The following CNKSR2 variants were observed in gnomAD, a reference collection of about 807,000 sequenced individuals.
The protein encoded by CNKSR2 is connector enhancer of kinase suppressor of Ras 2.
In CNKSR2, 14 loss-of-function variants were observed where a neutral mutation model predicts 84.4. The observed-to-expected ratio is 0.17, with a 90% CI of 0.11 to 0.26. The LOEUF is 0.26. CNKSR2 is among the 10% of genes least tolerant of loss of function. CNKSR2 has a pLI of 1.00. For synonymous variants in CNKSR2, 275 were observed against 277.9 expected (o/e 0.99, Z 0.10); for missense variants, 485 against 771.2 (o/e 0.63, Z 4.40).
At position 21,556,727 on chromosome X, in the gene CNKSR2, G is replaced by A. The variant is rs76670496; in HGVS notation, c.1304-4744G>A. ...TAGTGGGGACAAGAGCTTAATCGGG[G>A]AAGATTCAAGAGGGGAGGAGAAGAA... On this transcript the variant is annotated intron_variant, in intron 11 of 21. Coordinates refer to ENST00000379510, the MANE Select transcript of CNKSR2 (RefSeq NM_014927.5). Among the ~76,000 whole-genome samples, 18 of 110,522 alleles carry A rather than the reference G, an allele frequency of 1.6e-4. No individual in the cohort carries two copies. In the East Asian group the frequency reaches 4.8e-3, roughly 30 times the overall value.
intron 11 of CNKSR2, among the ~76,000 whole-genome samples, chrX:21,557,735 C>A (rs1983143157): frequency 1.8e-5 from 2 of 111,166 alleles, no homozygotes; most frequent in East Asian, 5.6e-4. Context: ...AGATTATATT[C>A]TTTGCTGTTA....
intron 13 of CNKSR2, among the ~76,000 whole-genome samples, chrX:21,588,287 C>G (rs931582453): frequency 8.9e-6 from 1 of 111,959 alleles, no homozygotes; most frequent in Non-Finnish European, 1.9e-5. Context: ...AGATGCCAAC[C>G]GAGGGCAAAT....
chrX:21,408,707 G>T (rs1421126853), intron 1 of CNKSR2, among the ~76,000 whole-genome samples: 1 of 110,423 alleles, frequency 9.1e-6, no homozygotes, highest in Non-Finnish European at 1.9e-5. Flanking sequence ...AAAAAGATTT[G>T]TCTTCTCATA....
intron 20 of CNKSR2, chrX:21,641,519 C>A: frequency 8.5e-7 from 1 of 1,175,009 alleles, no homozygotes; most frequent in East Asian, 3.1e-5. Flanking sequence ...TGTATCACTG[C>A]TTTATCATAT....
At chrX:21,444,849 A>G (rs1239122800) in intron 4 of CNKSR2, among the ~76,000 whole-genome samples, 1 of 111,315 alleles carries the variant, frequency 9.0e-6, no homozygotes, top group Non-Finnish European at 1.9e-5. Context: ...TTTCTGCAAG[A>G]TATGTTGAAA....
intron 1 of CNKSR2, among the ~76,000 whole-genome samples, chrX:21,380,854 T>C (rs2089888975): frequency 8.9e-6 from 1 of 112,203 alleles, no homozygotes; most frequent in African/African-American, 3.2e-5. Context: ...AAAAGAGTAC[T>C]AAAAGAGTGG....
intron 1 of CNKSR2, among the ~76,000 whole-genome samples, chrX:21,397,541 A>T (rs750342202): frequency 8.8e-4 from 98 of 111,038 alleles, no homozygotes; most frequent in Non-Finnish European, 1.6e-3. Context: ...AATTGAATAC[A>T]TTTAAGTAGT....
chrX:21,433,653 TACACACACACACACACACACAC>T (rs56377458), intron 3 of CNKSR2, among the ~76,000 whole-genome samples: 1 of 87,553 alleles, frequency 1.1e-5, no homozygotes, highest in Non-Finnish European at 2.3e-5. Flanking sequence ...TATGTGTTCC[TACACACACACACACACACACAC>T]ACACACACAC....
At chrX:21,485,372 T>A (rs1442147819) in intron 5 of CNKSR2, among the ~76,000 whole-genome samples, 1 of 110,810 alleles carries the variant, frequency 9.0e-6, no homozygotes, top group Non-Finnish European at 1.9e-5. Context: ...CTTTATTTTG[T>A]GCTAAATATG....
chrX:21,556,782 T>G (rs2092143723), intron 11 of CNKSR2, among the ~76,000 whole-genome samples: 1 of 110,792 alleles, frequency 9.0e-6, no homozygotes, highest in Admixed American at 9.6e-5. Context: ...AGAAGCTTTC[T>G]ACAAGGTTTT....
chrX:21,464,317 G>A (rs2091099392), intron 4 of CNKSR2, among the ~76,000 whole-genome samples: 1 of 111,831 alleles, frequency 8.9e-6, no homozygotes, highest in Non-Finnish European at 1.9e-5. Flanking sequence ...TCATCATCAG[G>A]CAGCTGCTGC....
At chrX:21,652,227 T>G in intron 21 of CNKSR2, 79 bp from the exon 22 acceptor site, 1 of 835,956 alleles carries the variant, frequency 1.2e-6, no homozygotes, top group East Asian at 3.2e-5. Flanking sequence ...TTCTTAAATG[T>G]TTTGCCTATT....
chrX:21,536,988 C>CT (rs764785613), intron 11 of CNKSR2, among the ~76,000 whole-genome samples: 24 of 109,497 alleles, frequency 2.2e-4, no homozygotes, highest in Non-Finnish European at 4.4e-4. Flanking sequence ...AATCTTTCTG[C>CT]TTTTTTGATG....
intron 11 of CNKSR2, among the ~76,000 whole-genome samples, chrX:21,549,640 G>A (rs1222724751): frequency 1.8e-5 from 2 of 111,726 alleles, no homozygotes; most frequent in Non-Finnish European, 3.8e-5. Context: ...AAAGCTGGAG[G>A]CATCACACTA....
At chrX:21,507,793 A>G (rs1196780008) in intron 8 of CNKSR2, among the ~76,000 whole-genome samples, 1 of 111,645 alleles carries the variant, frequency 9.0e-6, no homozygotes, top group Non-Finnish European at 1.9e-5. Context: ...TTAAGCATGA[A>G]TTTTTTGTAA....
intron 2 of CNKSR2, among the ~76,000 whole-genome samples, chrX:21,430,473 A>G (rs2147063388): frequency 9.0e-6 from 1 of 111,677 alleles, no homozygotes; most frequent in African/African-American, 3.2e-5. Context: ...CTACAGAGTG[A>G]AATATCAGTT....
intron 5 of CNKSR2, among the ~76,000 whole-genome samples, chrX:21,479,917 G>A (rs982121942): frequency 1.8e-5 from 2 of 111,031 alleles, no homozygotes; most frequent in Non-Finnish European, 3.8e-5. Context: ...CAATGTCACT[G>A]TGGGACTGCA....
At chrX:21,520,483 A>AG (rs2091771503) in intron 9 of CNKSR2, among the ~76,000 whole-genome samples, 1 of 109,746 alleles carries the variant, frequency 9.1e-6, no homozygotes, top group African/African-American at 3.3e-5. Flanking sequence ...TTCAATGAAA[A>AG]AAAAACAAAG....
Position 21,407,390 on chromosome X carries a change from T to G in CNKSR2, c.65-19107T>G, listed in dbSNP as rs1027320655. Among the ~76,000 whole-genome samples, 4 of 111,681 alleles carry G rather than the reference T, an allele frequency of 3.6e-5. No individual in the cohort carries two copies. The East Asian group carries it at 8.4e-4, about 23-fold the overall frequency. ...GAACCTTTGGTAGTTAAGACAGATG[T>G]ACCTGGGCTATATTTCTTCCAGAGA... is the stretch of plus-strand genomic sequence containing the variant. On this transcript the variant is annotated intron_variant, in intron 1 of 21. Coordinates refer to ENST00000379510, the MANE Select transcript of CNKSR2 (RefSeq NM_014927.5).
Sources: gnomAD v4.1 joint callset for allele counts (sites outside exome capture counted in the v4.1 genomes callset) on GRCh38, gnomAD v4.1.1 for gene constraint, MANE v1.5 for transcripts, NCBI Gene and HGNC (gene_info 2026-07-23, HGNC 2026-07-21) for gene names.